Variants in IGF2BP3 observed in about 807,000 individuals in gnomAD.
IGF2BP3 encodes insulin like growth factor 2 mRNA binding protein 3.
In IGF2BP3, 9 loss-of-function variants were observed where a neutral mutation model predicts 73.8. The observed-to-expected ratio is 0.12, with a 90% confidence interval of 0.07 to 0.21. The LOEUF (loss-of-function observed/expected upper bound fraction) is 0.21. Ranked by LOEUF, IGF2BP3 falls within the 10% of genes least tolerant of loss-of-function variation. IGF2BP3 has a pLI of 1.00. For synonymous variants in IGF2BP3, 258 were observed against 256.7 expected, an observed-to-expected ratio of 1.01 and a Z score of -0.05; for missense variants, 542 against 714.0, an observed-to-expected ratio of 0.76 and a Z score of 2.75.
chr7:23,459,511 A>G (rs1244717511), intron 2 of IGF2BP3, among the ~76,000 whole-genome samples: 2 of 152,292 alleles, frequency 1.3e-5, no homozygotes, highest in South Asian at 2.1e-4. Context: ...TGCTTGTCAA[A>G]TCACGCATTT....
At chr7:23,385,486 T>C (rs2128518995) in intron 3 of IGF2BP3, among the ~76,000 whole-genome samples, 1 of 152,260 alleles carries the variant, frequency 6.6e-6, no homozygotes, top group Admixed American at 6.5e-5. Flanking sequence ...TTGAGATCAC[T>C]GCTCTAAATC....
At chr7:23,416,716 A>G (rs1787200700) in intron 3 of IGF2BP3, among the ~76,000 whole-genome samples, 1 of 152,200 alleles carries the variant, frequency 6.6e-6, no homozygotes, top group African/African-American at 2.4e-5. Context: ...TGTTTATGAT[A>G]AGGCTTTGGC....
intron 12 of IGF2BP3, among the ~76,000 whole-genome samples, chr7:23,316,421 C>T (rs1783989005): frequency 6.6e-6 from 1 of 152,068 alleles, no homozygotes; most frequent in Non-Finnish European, 1.5e-5. Flanking sequence ...GTGGCTGATG[C>T]CTGTAATCCC....
At chr7:23,461,048 A>G (rs926461087) in intron 2 of IGF2BP3, among the ~76,000 whole-genome samples, 4 of 152,148 alleles carry the variant, frequency 2.6e-5, no homozygotes, top group African/African-American at 9.7e-5. Context: ...AAATTTGTAA[A>G]TCGTTCTCCT....
intron 2 of IGF2BP3, among the ~76,000 whole-genome samples, chr7:23,431,687 T>C (rs1316788380): frequency 6.6e-6 from 1 of 151,458 alleles, no homozygotes; most frequent in African/African-American, 2.4e-5. Context: ...TAAAGAGATG[T>C]CCTTCAATTA....
chr7:23,426,447 TTTC>T lies in IGF2BP3; in HGVS notation c.237-7626_237-7624del, dbSNP rs1787514765. ...CAAATTTTCCTGATTAAAAAATATCTTTCTTAACAACTGGTATGTTCAAATCAG... is the reference window on the plus strand; with the variant it reads ...CAAATTTTCCTGATTAAAAAATATCTTTAACAACTGGTATGTTCAAATCAG... On this transcript the variant is annotated intron_variant, in intron 2 of 14. Transcript: ENST00000258729. Among the ~76,000 whole-genome samples the T allele has an allele frequency of 2.0e-5, 3 of 152,326 alleles. No individual in the cohort carries two copies. In the South Asian group the frequency reaches 6.2e-4, roughly 32 times the overall value.
chr7:23,384,513 A>T (rs899965764), intron 3 of IGF2BP3, among the ~76,000 whole-genome samples: 4 of 152,212 alleles, frequency 2.6e-5, no homozygotes, highest in African/African-American at 9.6e-5. Context: ...GAAACAATTT[A>T]TACAACCCCA....
intron 2 of IGF2BP3, among the ~76,000 whole-genome samples, chr7:23,462,641 T>C (rs1175012939): frequency 1.3e-5 from 2 of 152,142 alleles, no homozygotes; most frequent in Non-Finnish European, 2.9e-5. Flanking sequence ...GGATTACAGG[T>C]GTGAGCCACC....
chr7:23,396,401 T>C (rs550593018), intron 3 of IGF2BP3: 75 of 154,276 alleles, frequency 4.9e-4, no homozygotes, highest in Non-Finnish European at 6.9e-4. Context: ...CTCTGACTTC[T>C]GAAATATGTA....
chr7:23,456,315 C>G (rs1361336950), intron 2 of IGF2BP3, among the ~76,000 whole-genome samples: 1 of 151,740 alleles, frequency 6.6e-6, no homozygotes, highest in African/African-American at 2.4e-5. Context: ...GTTCTCTTAA[C>G]TAGATTCTCT....
chr7:23,378,871 C>T (rs1267397181), intron 3 of IGF2BP3, among the ~76,000 whole-genome samples: 2 of 152,068 alleles, frequency 1.3e-5, no homozygotes, highest in Non-Finnish European at 2.9e-5. Flanking sequence ...CGTGCCTGGC[C>T]TTCTCTTCTA....
At chr7:23,444,099 G>A (rs187654474) in intron 2 of IGF2BP3, among the ~76,000 whole-genome samples, 38 of 152,304 alleles carry the variant, frequency 2.5e-4, no homozygotes, top group Non-Finnish European at 4.9e-4. Flanking sequence ...TTGTGCATAT[G>A]CTATTTAAAA....
intron 3 of IGF2BP3, among the ~76,000 whole-genome samples, chr7:23,382,648 C>G (rs1469028737): frequency 6.6e-6 from 1 of 151,940 alleles, no homozygotes; most frequent in Non-Finnish European, 1.5e-5. Context: ...TGCTATACAC[C>G]TTATGGTAAA....
chr7:23,343,791 G>A lies in IGF2BP3; in HGVS notation c.1004C>T (p.Thr335Ile). 2 of 1,612,086 alleles carry A rather than the reference G, an allele frequency of 1.2e-6. No homozygotes were observed. The highest frequency in any genetic ancestry group is 1.7e-6 in the Non-Finnish European group (2 of 1,178,708). ...GATCTCCTCCTCAGCTTTGGCACAT[G>A]TCTCAACATTGCCTTTAACTGTAAT... The part of the protein sequence containing the change: ...RTITVKGNVE[T>I]CAKAEEEIMK... The change falls in exon 9 of 15, where the codon ACA becomes ATA. Residue 335 changes from threonine to isoleucine, a missense_variant. Thr to Ile is a moderately conservative substitution (Grantham distance 89, BLOSUM62 -1). Around this residue, in one of 2 missense-constraint regions of IGF2BP3, gnomAD observed 303 missense variants for 472.1 expected, o/e 0.64. Transcript: ENST00000258729.
chr7:23,408,417 T>C (rs1786914778), intron 3 of IGF2BP3, among the ~76,000 whole-genome samples: 1 of 152,170 alleles, frequency 6.6e-6, no homozygotes, highest in African/African-American at 2.4e-5. Flanking sequence ...TTTAAAATAC[T>C]TCTACATACT....
intron 3 of IGF2BP3, among the ~76,000 whole-genome samples, chr7:23,390,860 A>T: frequency 6.8e-6 from 1 of 147,538 alleles, no homozygotes; most frequent in Non-Finnish European, 1.5e-5. Flanking sequence ...GTGCAGTGGC[A>T]TGATCTCGGC....
chr7:23,391,465 T>C (rs1210204644), intron 3 of IGF2BP3, among the ~76,000 whole-genome samples: 1 of 152,140 alleles, frequency 6.6e-6, no homozygotes, highest in Non-Finnish European at 1.5e-5. Context: ...TCCATGACAC[T>C]CTCGCTTTCC....
chr7:23,428,288 G>A (rs1440782365), intron 2 of IGF2BP3, among the ~76,000 whole-genome samples: 3 of 151,798 alleles, frequency 2.0e-5, no homozygotes, highest in East Asian at 3.9e-4. Flanking sequence ...TGGCTAACAC[G>A]GTGAAACCCC....
intron 10 of IGF2BP3, among the ~76,000 whole-genome samples, chr7:23,338,645 C>T (rs1275881139): frequency 1.3e-5 from 2 of 152,122 alleles, no homozygotes; most frequent in African/African-American, 2.4e-5. Flanking sequence ...TTGTTGTTAG[C>T]CTTGGCTACA....
Sources: gnomAD v4.1 joint callset for allele counts (sites outside exome capture counted in the v4.1 genomes callset) on GRCh38, gnomAD v4.1.1 for gene constraint, gnomAD v4.1.1 regional missense constraint, MANE v1.5 for transcripts, NCBI Gene and HGNC (gene_info 2026-07-23, HGNC 2026-07-21) for gene names.